Variants in RAP1B observed in about 807,000 individuals in gnomAD.
RAP1B encodes the protein RAP1B, member of RAS oncogene family.
RAP1B carries 1 observed loss-of-function variant against 27.5 expected under a neutral mutation model. The ratio of observed to expected loss-of-function variants is 0.04; its 90% confidence interval spans 0.01 to 0.17. The LOEUF is 0.17. RAP1B is among the 10% of genes least tolerant of loss of function. The probability of loss-of-function intolerance (pLI) is 1.00; values close to 1 mark genes in which losing one functional copy is unlikely to be tolerated. For missense variants in RAP1B, 84 were observed against 214.8 expected, an observed-to-expected ratio of 0.39 and a Z score of 3.81; for synonymous variants, 75 against 73.1, an observed-to-expected ratio of 1.03 and a Z score of -0.13.
chr12:68,657,931 A>G (rs1350357140), intron 7 of RAP1B, among the ~76,000 whole-genome samples: 2 of 149,596 alleles, frequency 1.3e-5, no homozygotes, highest in Non-Finnish European at 3.0e-5. Context: ...TTTTTCCTTC[A>G]ACTTTTAAGT....
chr12:68,654,325 TC>T (rs1214554482), intron 5 of RAP1B, 73 bp downstream of exon 5: 16 of 407,114 alleles, frequency 3.9e-5, no homozygotes, highest in African/African-American at 8.7e-5. Context: ...AAATTTAAAT[TC>T]ATTTTAAAGC....
At chr12:68,642,330 A>C (rs1873073303) in intron 1 of RAP1B, among the ~76,000 whole-genome samples, 1 of 152,168 alleles carries the variant, frequency 6.6e-6, no homozygotes, top group Admixed American at 6.5e-5. Context: ...TCAAGCGAGA[A>C]TGATATTAAA....
chr12:68,633,906 A>T (rs1565663849), intron 1 of RAP1B, among the ~76,000 whole-genome samples: 1 of 152,134 alleles, frequency 6.6e-6, no homozygotes, highest in African/African-American at 2.4e-5. Flanking sequence ...TAATCTGGTC[A>T]TTGAAATTGA....
rs1047024354 is a variant in RAP1B at position 68,624,827 on chromosome 12, C to T, written c.-27+13784C>T. 186 of 152,274 alleles carry T rather than the reference C, an allele frequency of 1.2e-3. 5 individuals are homozygous for T. The highest frequency in any genetic ancestry group is 1.2e-4 in the Non-Finnish European group (8 of 68,114). The allele number at this position is 152,274 out of a possible 1,614,324, so 9.4% of individuals were successfully genotyped here. ...GAGACTCCGTCTCAAACAACAACAACAACAAAAGCTCCTCGATGGAACCAT... is the reference window on the plus strand; with the variant it reads ...GAGACTCCGTCTCAAACAACAACAATAACAAAAGCTCCTCGATGGAACCAT... On this transcript the variant is annotated intron_variant, in intron 1 of 7. Coordinates refer to ENST00000250559, the MANE Select transcript of RAP1B (RefSeq NM_001010942.3).
At chr12:68,649,471 T>G (rs1394953295) in intron 2 of RAP1B, 1 of 152,220 alleles carries the variant, frequency 6.6e-6, no homozygotes, top group East Asian at 1.9e-4. Context: ...GTTTTCTGCA[T>G]CAAGGAATGG....
intron 1 of RAP1B, among the ~76,000 whole-genome samples, chr12:68,613,432 G>T (rs755769350): frequency 1.3e-5 from 2 of 148,582 alleles, no homozygotes; most frequent in South Asian, 4.2e-4. Flanking sequence ...TGATTGCTCT[G>T]CTCTCTTTTA....
chr12:68,626,996 G>A, intron 1 of RAP1B: 2 of 1,556,914 alleles, frequency 1.3e-6, no homozygotes, highest in Non-Finnish European at 1.8e-6. Flanking sequence ...TGAACTTGGT[G>A]AAGCCCCACT....
rs1335393697 is a variant in RAP1B, at chr12:68,627,174, C to G, written c.-27+16131C>G. ...GGGCTTCCCAAAGGCACCTCGCATG[C>G]CTGTTTGGAACCTACACTGGGGTAG... is the stretch of plus-strand genomic sequence containing the variant. On this transcript the variant is annotated intron_variant, in intron 1 of 7. Transcript: ENST00000250559. The G allele has an allele frequency of 5.8e-6, 9 of 1,557,170 alleles. No homozygotes were observed. The South Asian group carries it at 1.0e-4, about 17-fold the overall frequency.
At position 68,670,586 on chromosome 12, in the gene RAP1B, C is replaced by T. The variant is rs1308251449; in HGVS notation, c.*11337C>T. 2.0e-5 allele frequency: 3 copies of T among 151,928 alleles called. No individual in the cohort carries two copies. Among genetic ancestry groups the T allele is most frequent in the Admixed American group, 6.6e-5 (1 of 15,256 alleles). The allele number at this position is 151,928 out of a possible 1,614,324, so 9.4% of individuals were successfully genotyped here. On this transcript the variant is annotated 3_prime_UTR_variant, in exon 8 of 8. Coordinates refer to ENST00000250559, the MANE Select transcript of RAP1B (RefSeq NM_001010942.3). ...CCCATCAGAAGTCAAAAATGTAAGT[C>T]GAAAATGCATTTAATACCCTGATAA...
intron 7 of RAP1B, among the ~76,000 whole-genome samples, chr12:68,658,396 C>T (rs1874379718): frequency 6.6e-6 from 1 of 152,168 alleles, no homozygotes; most frequent in Non-Finnish European, 1.5e-5. Context: ...ATTTAGAAAA[C>T]TTGATTGCAA....
chr12:68,638,061 T>G (rs1872749207), intron 1 of RAP1B, among the ~76,000 whole-genome samples: 1 of 152,222 alleles, frequency 6.6e-6, no homozygotes, highest in South Asian at 2.1e-4. Context: ...AACTGTGTTT[T>G]ATCCTGGATA....
At chr12:68,648,963 T>C (rs1258749009) in intron 2 of RAP1B, 182 bp downstream of exon 2, 3 of 555,992 alleles carry the variant, frequency 5.4e-6, no homozygotes, top group Non-Finnish European at 9.2e-6. Context: ...ATATTCTCTC[T>C]GGAACATTGA....
At chr12:68,621,923 T>C (rs1056558743) in intron 1 of RAP1B, among the ~76,000 whole-genome samples, 1 of 152,210 alleles carries the variant, frequency 6.6e-6, no homozygotes, top group Admixed American at 6.5e-5. Flanking sequence ...GGTACTCAAA[T>C]TAGACCTTTA....
intron 1 of RAP1B, among the ~76,000 whole-genome samples, chr12:68,630,932 G>GT (rs150971331): frequency 0.013 from 1,964 of 146,514 alleles, 28 homozygotes; most frequent in East Asian, 0.015. Flanking sequence ...GCCTGAATTT[G>GT]TTTTTTTTTT....
intron 1 of RAP1B, among the ~76,000 whole-genome samples, chr12:68,640,211 T>C (rs1872901708): frequency 6.6e-6 from 1 of 152,106 alleles, no homozygotes; most frequent in African/African-American, 2.4e-5. Flanking sequence ...AAATTTAATA[T>C]CAATCCATTG....
At chr12:68,650,792 T>A in intron 3 of RAP1B, 1 of 160,598 alleles carries the variant, frequency 6.2e-6, no homozygotes, top group Non-Finnish European at 1.4e-5. Flanking sequence ...CTTTTTAACC[T>A]AGAAATAGGT....
intron 6 of RAP1B, 150 bp downstream of exon 6, chr12:68,656,599 A>G (rs913499502): frequency 5.6e-6 from 4 of 709,120 alleles, no homozygotes; most frequent in South Asian, 5.4e-5. Flanking sequence ...AAATGTATCT[A>G]TGTAGTAAAT....
At chr12:68,629,222 A>C (rs936547256) in intron 1 of RAP1B, among the ~76,000 whole-genome samples, 2 of 152,062 alleles carry the variant, frequency 1.3e-5, no homozygotes, top group African/African-American at 4.8e-5. Flanking sequence ...CAAGCCATCT[A>C]CCTACCCCAG....
chr12:68,632,108 A>G (rs1872281477), intron 1 of RAP1B, among the ~76,000 whole-genome samples: 1 of 145,706 alleles, frequency 6.9e-6, no homozygotes, highest in Non-Finnish European at 1.5e-5. Flanking sequence ...TGAAGGAAAC[A>G]GTTTTTTGGG....
Sources: gnomAD v4.1 joint callset for allele counts (sites outside exome capture counted in the v4.1 genomes callset) on GRCh38, gnomAD v4.1.1 for gene constraint, MANE v1.5 for transcripts, NCBI Gene and HGNC (gene_info 2026-07-23, HGNC 2026-07-21) for gene names.